FOXP1: variants seen among roughly 807,000 people sequenced by gnomAD.
FOXP1 encodes forkhead box P1.
In FOXP1, 15 loss-of-function variants were observed where a neutral mutation model predicts 98.2. That is an observed-to-expected ratio of 0.15 (90% CI 0.10 to 0.24). The LOEUF (loss-of-function observed/expected upper bound fraction) is 0.24. Among genes scored for constraint, FOXP1 ranks in the 10% least tolerant of loss-of-function variants. FOXP1 has a pLI of 1.00. For synonymous variants in FOXP1, 371 were observed against 314.5 expected (o/e 1.18, Z -1.90); for missense variants, 633 against 848.5 (o/e 0.75, Z 3.15).
intron 6 of FOXP1, among the ~76,000 whole-genome samples, chr3:71,123,860 A>G (rs1343565359): frequency 6.6e-6 from 1 of 152,202 alleles, no homozygotes; most frequent in East Asian, 1.9e-4. Flanking sequence ...AGATAATTAA[A>G]AATTGTAATG....
chr3:71,191,980 G>A (rs2063007854), intron 6 of FOXP1, among the ~76,000 whole-genome samples: 1 of 152,154 alleles, frequency 6.6e-6, no homozygotes, highest in Admixed American at 6.5e-5. Flanking sequence ...TTACAGCTGG[G>A]TTTTTACCTA....
At chr3:71,565,063 C>G (rs1449409342) in intron 2 of FOXP1, among the ~76,000 whole-genome samples, 1 of 152,170 alleles carries the variant, frequency 6.6e-6, no homozygotes, top group Non-Finnish European at 1.5e-5. Context: ...CGCACCACTG[C>G]ACTCCAGCCT....
intron 6 of FOXP1, among the ~76,000 whole-genome samples, chr3:71,191,305 C>T (rs561770547): frequency 1.3e-5 from 2 of 152,158 alleles, no homozygotes; most frequent in African/African-American, 2.4e-5. Flanking sequence ...AGTCATACCT[C>T]CTGAAAGTTC....
At chr3:71,536,700 A>C (rs978374883) in intron 2 of FOXP1, among the ~76,000 whole-genome samples, 1 of 151,760 alleles carries the variant, frequency 6.6e-6, no homozygotes, top group African/African-American at 2.4e-5. Context: ...AATGAACTGG[A>C]TCCTAGCAGA....
At chr3:71,281,487 C>T (rs2071562228) in intron 5 of FOXP1, among the ~76,000 whole-genome samples, 1 of 152,206 alleles carries the variant, frequency 6.6e-6, no homozygotes, top group African/African-American at 2.4e-5. Flanking sequence ...GCTCCCTGCC[C>T]TGTAGAACAC....
intron 14 of FOXP1, among the ~76,000 whole-genome samples, chr3:70,979,357 C>T (rs2038372305): frequency 7.3e-6 from 1 of 136,516 alleles, no homozygotes. Context: ...TTCAATTTAT[C>T]TTTCTTATCT....
At position 71,129,508 on chromosome 3, in the gene FOXP1, G is replaced by T. The variant is rs73121537; in HGVS notation, c.181-16871C>A. Reference sequence around the variant, plus strand: ...TTTAGACTGCGGACTAGCAAACGAGGTTCACAGTAATAACAATTCTCTTAA... The same window carrying T: ...TTTAGACTGCGGACTAGCAAACGAGTTTCACAGTAATAACAATTCTCTTAA... On this transcript the variant is annotated intron_variant, in intron 6 of 20. Transcript: ENST00000649528. Among the ~76,000 whole-genome samples the T allele has an allele frequency of 1.3e-3, 191 of 152,212 alleles. 1 individual carries two copies. The highest frequency in any genetic ancestry group is 2.3e-3 in the Non-Finnish European group (154 of 68,022).
chr3:71,032,903 C>A (rs905294521), intron 11 of FOXP1, among the ~76,000 whole-genome samples: 5 of 152,162 alleles, frequency 3.3e-5, no homozygotes, highest in Non-Finnish European at 7.3e-5. Flanking sequence ...CTTCCCTTTG[C>A]ACTTTTGGTT....
chr3:71,530,877 C>T (rs577338151), intron 2 of FOXP1, among the ~76,000 whole-genome samples: 26 of 152,244 alleles, frequency 1.7e-4, no homozygotes, highest in African/African-American at 6.0e-4. Context: ...AAAACTACCC[C>T]CCAACCCCAT....
At chr3:71,148,322 A>C (rs2060414263) in intron 6 of FOXP1, among the ~76,000 whole-genome samples, 1 of 152,224 alleles carries the variant, frequency 6.6e-6, no homozygotes, top group African/African-American at 2.4e-5. Flanking sequence ...GGTTGCAGTG[A>C]GCAGAGATCA....
rs201816139 is a variant in FOXP1, at chr3:71,573,519, G to A, written c.-298+8030C>T. On this transcript the variant is annotated intron_variant, in intron 2 of 20. Coordinates refer to ENST00000649528, the MANE Select transcript of FOXP1 (RefSeq NM_001349338.3). ...CCAAAGTTACGGCTGCGCGTTTACT[G>A]TCAACATGCATCACACTGCAACAAA... 1.1e-4 allele frequency: 17 copies of A among 152,292 alleles called. No homozygotes were observed. The East Asian group carries it at 3.3e-3, about 29-fold the overall frequency. The allele number at this position is 152,292 out of a possible 1,614,324, so 9.4% of individuals were successfully genotyped here.
chr3:71,273,083 T>A (rs2070542723), intron 5 of FOXP1, among the ~76,000 whole-genome samples: 1 of 152,156 alleles, frequency 6.6e-6, no homozygotes, highest in Non-Finnish European at 1.5e-5. Context: ...TTCAATCCCC[T>A]CTCTTGTACA....
chr3:71,504,046 T>G (rs1433436504), intron 2 of FOXP1, among the ~76,000 whole-genome samples: 1 of 152,186 alleles, frequency 6.6e-6, no homozygotes, highest in East Asian at 1.9e-4. Flanking sequence ...CATCCCAGCT[T>G]TGCCAACAAC....
chr3:71,315,621 G>T (rs1004718014), intron 4 of FOXP1, among the ~76,000 whole-genome samples: 1 of 152,180 alleles, frequency 6.6e-6, no homozygotes, highest in African/African-American at 2.4e-5. Flanking sequence ...ACTCCTCTGG[G>T]AGGGGACTCT....
chr3:70,977,937 G>C lies in FOXP1; in HGVS notation c.1239C>G (p.Pro413=), dbSNP rs761941921. The C allele has an allele frequency of 1.9e-6, 3 of 1,614,192 alleles. No individual in the cohort carries two copies. Among genetic ancestry groups the C allele is most frequent in the East Asian group, 2.2e-5 (1 of 44,880 alleles). ...LPHTPTTPTA[P]LTPVTQGPSV... ...AGGGGCCTTGGGTGACGGGAGTCAGGGGGGCGGTTGGGGTCGTTGGAGTAT... is the reference window on the plus strand; with the variant it reads ...AGGGGCCTTGGGTGACGGGAGTCAGCGGGGCGGTTGGGGTCGTTGGAGTAT... The change falls in exon 15 of 21, where the codon CCC becomes CCG. Residue 413 remains proline (P), a synonymous_variant. Transcript: ENST00000649528.
chr3:71,541,079 CA>C (rs1214824948), intron 2 of FOXP1, among the ~76,000 whole-genome samples: 1 of 152,212 alleles, frequency 6.6e-6, no homozygotes, highest in Non-Finnish European at 1.5e-5. Context: ...TAACTTTGGA[CA>C]AGTCCCTTCT....
chr3:71,233,615 T>G (rs1168411598), intron 5 of FOXP1, among the ~76,000 whole-genome samples: 2 of 138,510 alleles, frequency 1.4e-5, no homozygotes, highest in African/African-American at 2.7e-5. Flanking sequence ...TTTTTTTTGG[T>G]ATTTTTAGTA....
intron 6 of FOXP1, among the ~76,000 whole-genome samples, chr3:71,192,149 T>C (rs988037262): frequency 1.3e-5 from 2 of 152,096 alleles, no homozygotes; most frequent in Non-Finnish European, 2.9e-5. Flanking sequence ...CAAGAGACCC[T>C]CCTTTCAGAC....
chr3:71,569,658 T>C (rs1034009189), intron 2 of FOXP1, among the ~76,000 whole-genome samples: 3 of 151,952 alleles, frequency 2.0e-5, no homozygotes, highest in East Asian at 1.9e-4. Flanking sequence ...CACATACACA[T>C]AGAGAGAGAG....
Sources: allele counts gnomAD v4.1 joint callset (sites outside exome capture counted in the v4.1 genomes callset), GRCh38; gene constraint gnomAD v4.1.1; transcripts MANE v1.5; gene names NCBI Gene and HGNC (gene_info 2026-07-23, HGNC 2026-07-21).